HDAC10: variants seen among roughly 807,000 people sequenced by gnomAD.
HDAC10 encodes the protein histone deacetylase 10.
A neutral mutation model predicts 82.3 loss-of-function variants in HDAC10; 90 were observed. The ratio of observed to expected loss-of-function variants is 1.09; its 90% CI spans 0.92 to 1.30. HDAC10 has a LOEUF of 1.30. Ranked by LOEUF, HDAC10 falls within the 50% of genes most tolerant of loss-of-function variation. HDAC10 has a pLI of 0.00. For synonymous variants in HDAC10, 456 were observed against 391.7 expected (o/e 1.16, Z -1.94); for missense variants, 934 against 876.3 (o/e 1.07, Z -0.83).
chr22:50,248,742 G>A lies in HDAC10; in HGVS notation c.826C>T (p.Gln276Ter). The A allele has an allele frequency of 6.3e-7, 1 of 1,581,340 alleles. No homozygotes were observed. Among genetic ancestry groups the A allele is most frequent in the East Asian group, 2.3e-5 (1 of 43,474 alleles). ...SAIGDPEGQM[Q>*]ATPECFAHLT... Reference sequence around the variant, plus strand: ...TGGGCGAAGCACTCTGGCGTGGCCTGCATTTGCCCCTGGAACCAGAGCCAT... The same window carrying A: ...TGGGCGAAGCACTCTGGCGTGGCCTACATTTGCCCCTGGAACCAGAGCCAT... Residue 276 changes from glutamine to a stop codon, truncating the protein, a stop_gained, in exon 10 of 20, where the codon CAG becomes TAG. Transcript: ENST00000216271. LOFTEE classifies it high-confidence loss of function. The surrounding 1 kb of genome is among the most constrained non-coding windows in gnomAD (Gnocchi z 5.4).
chr22:50,246,387 A>G lies in HDAC10; in HGVS notation c.1572-11T>C. The G allele has an allele frequency of 2.5e-6, 4 of 1,608,562 alleles. No homozygotes were observed. The highest frequency in any genetic ancestry group is 3.4e-6 in the Non-Finnish European group (4 of 1,177,550). On this transcript the variant is annotated splice_polypyrimidine_tract_variant and intron_variant, in intron 16 of 19. Transcript: ENST00000216271. ...AGCCACAGACTCCTCCTTCCAGGAC[A>G]CAGGTGCATAAGTGTAAGGCCCTGC...
Position 50,248,622 on chromosome 22 carries a change from T to A in HDAC10, c.906+40A>T, listed in dbSNP as rs1295093828. The A allele has an allele frequency of 8.1e-6, 12 of 1,478,312 alleles. No homozygotes were observed. Among genetic ancestry groups the A allele is most frequent in the Non-Finnish European group, 1.1e-5 (12 of 1,111,818 alleles). 91.6% of individuals were successfully genotyped at this position (1,478,312 alleles called of 1,614,324 possible). A position where few individuals can be genotyped will look rare whatever the true frequency, so the allele number is the denominator to read the frequency against. On this transcript the variant is annotated intron_variant, in intron 10 of 19. Transcript: ENST00000216271. This position sits in a 1 kb window ranked among gnomAD's most constrained non-coding sequence, Gnocchi z 5.4. ...CTCCCATGCTCCTGACCCCCAGGCC[T>A]CTGGCCCAGAGACCCTCCCTGTGTG...
At position 50,250,118 on chromosome 22, in the gene HDAC10, G is replaced by C. The variant is rs1173273384; in HGVS notation, c.334C>G (p.Gln112Glu). The C allele has an allele frequency of 6.2e-7, 1 of 1,612,586 alleles. No homozygotes were observed. Among genetic ancestry groups the C allele is most frequent in the African/African-American group, 1.3e-5 (1 of 74,946 alleles). Residue 112 changes from glutamine to glutamate, a missense_variant, in exon 4 of 20, where the codon CAG (glutamine) becomes GAG (glutamate). Coordinates refer to ENST00000216271, the MANE Select transcript of HDAC10 (RefSeq NM_032019.6). ...CCAGTGAGCACAGCGTCCACCAGCT[G>C]CAGTCCAGCCCCTGCGGCCAGCCGC... ...CARLAAGAGL[Q>E]LVDAVLTGAV...
rs76578729 is a variant in HDAC10, at chr22:50,246,318, C to T, written c.1630G>A (p.Val544Ile). 0.016 allele frequency: 25,747 copies of T among 1,613,048 alleles called. 698 individuals carry two copies. Among genetic ancestry groups the T allele is most frequent in the East Asian group, 0.13 (5,892 of 44,882 alleles). Reference sequence around the variant, plus strand: ...CTCACCACTGGCAGTGGCGTGGAGACATGGAACATGGATAGGGCAGCCGCC... The same window carrying T: ...CTCACCACTGGCAGTGGCGTGGAGATATGGAACATGGATAGGGCAGCCGCC... ...KEAAALSMFHVSTPLPVMTGG... is the reference protein window; with the variant it reads ...KEAAALSMFHISTPLPVMTGG... Residue 544 changes from valine (V) to isoleucine (I), a missense_variant, in exon 17 of 20, where the codon GTC becomes ATC. Transcript: ENST00000216271.
rs1044980367 is a variant in HDAC10, at chr22:50,250,635, C to A, written c.195-112G>T. 4.5e-6 allele frequency: 6 copies of A among 1,319,446 alleles called. No homozygotes were observed. In the East Asian group the frequency reaches 1.2e-4, roughly 27 times the overall value. 81.7% of individuals were successfully genotyped at this position (1,319,446 alleles called of 1,614,324 possible). A position where few individuals can be genotyped will look rare whatever the true frequency, so the allele number is the denominator to read the frequency against. On this transcript the variant is annotated intron_variant, in intron 2 of 19. Transcript: ENST00000216271. The stretch of plus-strand genomic sequence containing the variant: ...GTGGCCACCCTGTCACTTCCTCAAG[C>A]CTGTGAGCCCACCCGAGGTGCATAG...
rs2065037279 is a variant in HDAC10, at chr22:50,249,595, TG to T, written c.563+39del. The T allele has an allele frequency of 6.2e-7, 1 of 1,611,368 alleles. No individual in the cohort carries two copies. The highest frequency in any genetic ancestry group is 8.5e-7 in the Non-Finnish European group (1 of 1,178,904). ...CAGGCCAGGCTGTGCACCCAAAAACTGGGGCTGCAGGGAAGGGTGGTTTCCG... is the reference window on the plus strand; with the variant it reads ...CAGGCCAGGCTGTGCACCCAAAAACTGGGCTGCAGGGAAGGGTGGTTTCCG... On this transcript the variant is annotated intron_variant, in intron 6 of 19. Transcript: ENST00000216271. The surrounding 1 kb of genome is among the most constrained non-coding windows in gnomAD (Gnocchi z 4.4).
rs762232036 is a variant in HDAC10 at position 50,249,081 on chromosome 22, G to A, written c.756+22C>T. The A allele has an allele frequency of 2.5e-6, 4 of 1,580,378 alleles. No individual in the cohort carries two copies. The highest frequency in any genetic ancestry group is 3.4e-6 in the Non-Finnish European group (4 of 1,162,040). ...GTCCCCCTCCCACCCGGCTGCCCTG[G>A]GGGAGCCCTCCGTGCAGTCACCTCA... On this transcript the variant is annotated intron_variant, in intron 8 of 19. Coordinates refer to ENST00000216271, the MANE Select transcript of HDAC10 (RefSeq NM_032019.6). The surrounding 1 kb of genome is among the most constrained non-coding windows in gnomAD (Gnocchi z 4.4).
intron 2 of HDAC10, 77 bp from the exon 3 acceptor site, chr22:50,250,600 C>T (rs1487764220): frequency 2.9e-6 from 4 of 1,382,568 alleles, no homozygotes; most frequent in Non-Finnish European, 3.0e-6. Flanking sequence ...ACCTGGGATT[C>T]ATGGTGGGAG....
Position 50,250,162 on chromosome 22 carries a change from T to G in HDAC10, c.292-2A>C. ...CAGCCGCGCGCAGTGAAAGGTACTC[T>G]GTGGGCGCAGGGGCGCAGATGAGCC... is the stretch of plus-strand genomic sequence containing the variant. On this transcript the variant is annotated splice_acceptor_variant, in intron 3 of 19. Coordinates refer to ENST00000216271, the MANE Select transcript of HDAC10 (RefSeq NM_032019.6). LOFTEE classifies it high-confidence loss of function. The G allele has an allele frequency of 2.5e-6, 4 of 1,611,198 alleles. No homozygotes were observed. Among genetic ancestry groups the G allele is most frequent in the Non-Finnish European group, 3.4e-6 (4 of 1,179,416 alleles).
Position 50,248,154 on chromosome 22 carries a change from A to G in HDAC10, c.1082-9T>C, listed in dbSNP as rs762826608. 1.3e-6 allele frequency: 2 copies of G among 1,588,850 alleles called. No individual in the cohort carries two copies. The highest frequency in any genetic ancestry group is 8.6e-7 in the Non-Finnish European group (1 of 1,167,272). On this transcript the variant is annotated splice_polypyrimidine_tract_variant and intron_variant, in intron 12 of 19. Coordinates refer to ENST00000216271, the MANE Select transcript of HDAC10 (RefSeq NM_032019.6). The surrounding 1 kb of genome is among the most constrained non-coding windows in gnomAD (Gnocchi z 5.4). ...CGGCACAGCGGTCACATCTAGGGAC[A>G]GTTCGGAGTCATAGCCACTGCACAG...
intron 14 of HDAC10, 181 bp from the exon 15 acceptor site, chr22:50,247,147 T>C (rs2064972637): frequency 4.0e-6 from 2 of 499,762 alleles, no homozygotes; most frequent in Non-Finnish European, 7.0e-6. Context: ...ATTTTTTTTT[T>C]TTTTTTTAGA....
chr22:50,247,121 G>A (rs1473905562), intron 14 of HDAC10, 155 bp from the exon 15 acceptor site: 4 of 500,950 alleles, frequency 8.0e-6, no homozygotes, highest in South Asian at 3.3e-5. Context: ...CTGTAAATAA[G>A]ATGCTTACGT....
At position 50,248,109 on chromosome 22, in the gene HDAC10, G is replaced by C. The variant is rs2064999025; in HGVS notation, c.1118C>G (p.Ser373Cys). ...CAGAGGTGGAGGCCTCCCCTCTGGG[G>C]AGTGGCTGCTGGGGCTCATCGGCAC... The part of the protein sequence containing the change: ...TAVPMSPSSH[S>C]PEGRPPPLLP... Residue 373 changes from serine (S) to cysteine (C), a missense_variant, in exon 13 of 20, where the codon TCC becomes TGC. By Grantham distance (112) the Ser-to-Cys change is moderately radical. Coordinates refer to ENST00000216271, the MANE Select transcript of HDAC10 (RefSeq NM_032019.6). This position sits in a 1 kb window ranked among gnomAD's most constrained non-coding sequence, Gnocchi z 5.4. 1 of 1,591,084 alleles carries C rather than the reference G, an allele frequency of 6.3e-7. No individual in the cohort carries two copies. Among genetic ancestry groups the C allele is most frequent in the African/African-American group, 1.3e-5 (1 of 74,606 alleles).
At position 50,248,508 on chromosome 22, in the gene HDAC10, T is replaced by G. The variant is rs369238143; in HGVS notation, c.907-36A>C. On this transcript the variant is annotated intron_variant, in intron 10 of 19. Transcript: ENST00000216271. This position sits in a 1 kb window ranked among gnomAD's most constrained non-coding sequence, Gnocchi z 5.4. Reference sequence around the variant, plus strand: ...GGTGGAGACATGATTGGGGCAGAGATATCACTGGGATGGGATGTCACCGGG... The same window carrying G: ...GGTGGAGACATGATTGGGGCAGAGAGATCACTGGGATGGGATGTCACCGGG... The G allele has an allele frequency of 4.4e-6, 7 of 1,577,576 alleles. No individual in the cohort carries two copies. The highest frequency in any genetic ancestry group is 1.1e-5 in the South Asian group (1 of 88,602).
rs755658760 is a variant in HDAC10 at position 50,248,165 on chromosome 22, A to G, written c.1082-20T>C. 1.3e-6 allele frequency: 2 copies of G among 1,593,628 alleles called. No individual in the cohort carries two copies. The highest frequency in any genetic ancestry group is 1.7e-6 in the Non-Finnish European group (2 of 1,170,096). On this transcript the variant is annotated intron_variant, in intron 12 of 19. Coordinates refer to ENST00000216271, the MANE Select transcript of HDAC10 (RefSeq NM_032019.6). This position sits in a 1 kb window ranked among gnomAD's most constrained non-coding sequence, Gnocchi z 5.4. ...TCACATCTAGGGACAGTTCGGAGTC[A>G]TAGCCACTGCACAGGAGCCCGAGGT...
chr22:50,248,779 G>A lies in HDAC10; in HGVS notation c.817-28C>T, dbSNP rs373161835. On this transcript the variant is annotated intron_variant, in intron 9 of 19. Coordinates refer to ENST00000216271, the MANE Select transcript of HDAC10 (RefSeq NM_032019.6). This position sits in a 1 kb window ranked among gnomAD's most constrained non-coding sequence, Gnocchi z 5.4. ...GGAACCAGAGCCATGTGTGATGGGG[G>A]ACCTGGGCCCCAGGACCCCAGAAGC... The A allele has an allele frequency of 4.4e-6, 7 of 1,595,476 alleles. No homozygotes were observed. In the African/African-American group the frequency reaches 6.7e-5, roughly 15 times the overall value.
intron 16 of HDAC10, 107 bp downstream of exon 16, chr22:50,246,572 G>A (rs2064952931): frequency 3.3e-6 from 4 of 1,222,072 alleles, no homozygotes; most frequent in Non-Finnish European, 4.7e-6. Context: ...GCTCCATTCA[G>A]TACCACACAG....
chr22:50,248,971 CCTCCTGAG>C lies in HDAC10; in HGVS notation c.757-89_757-82del. ...AGGGCGAGCCAGGCCCATCCCATCC[CCTCCTGAG>C]CACCTTCCCCAGCCACACAGGAGTG... On this transcript the variant is annotated intron_variant, in intron 8 of 19. Transcript: ENST00000216271. The surrounding 1 kb of genome is among the most constrained non-coding windows in gnomAD (Gnocchi z 5.4). 1 of 1,498,542 alleles carries C rather than the reference CCTCCTGAG, an allele frequency of 6.7e-7. No individual in the cohort carries two copies. The highest frequency in any genetic ancestry group is 1.9e-5 in the Admixed American group (1 of 53,066). The allele number at this position is 1,498,542 out of a possible 1,614,324, so 92.8% of individuals were successfully genotyped here. A position where few individuals can be genotyped will look rare whatever the true frequency, so the allele number is the denominator to read the frequency against.
At chr22:50,250,586 G>T in intron 2 of HDAC10, 63 bp from the exon 3 acceptor site, 1 of 1,399,120 alleles carries the variant, frequency 7.1e-7, no homozygotes, top group Non-Finnish European at 1.0e-6. Flanking sequence ...GGCGGGAGGC[G>T]GGGACCTGGG....
Sources: gnomAD v4.1 joint callset for allele counts on GRCh38, gnomAD v4.1.1 for gene constraint, Gnocchi (gnomAD v3.1) non-coding constraint, MANE v1.5 for transcripts, NCBI Gene and HGNC (gene_info 2026-07-23, HGNC 2026-07-21) for gene names.